LCT: variants seen among roughly 807,000 people sequenced by gnomAD.
The protein encoded by LCT is lactase.
A neutral mutation model predicts 173.0 loss-of-function variants in LCT; 90 were observed. The ratio of observed to expected loss-of-function variants is 0.52; its 90% CI spans 0.44 to 0.62. The LOEUF is 0.62. LCT is among the 20% of genes least tolerant of loss of function. LCT has a pLI of 0.00. For synonymous variants in LCT, 853 were observed against 957.6 expected (o/e 0.89, Z 2.02); for missense variants, 1,864 against 2,431.4 (o/e 0.77, Z 4.91).
Position 135,809,139 on chromosome 2 carries a change from C to T in LCT, c.3208G>A (p.Ala1070Thr). 1 of 1,614,192 alleles carries T rather than the reference C, an allele frequency of 6.2e-7. No homozygotes were observed. The highest frequency in any genetic ancestry group is 8.5e-7 in the Non-Finnish European group (1 of 1,180,036). ...TCCCCTGAGCCATAACCTAGCCATG[C>T]CAGGTACATGGGCTCATTAAAAGTC... is the stretch of plus-strand genomic sequence containing the variant. ...WMTFNEPMYL[A>T]WLGYGSGEFP... Residue 1070 changes from alanine (A) to threonine (T), a missense_variant, in exon 8 of 17, where the codon GCA (alanine) becomes ACA (threonine). Ala to Thr is a moderately conservative substitution (Grantham distance 58). This residue lies in a region of LCT where 755 missense variants were observed against 926.3 expected (regional missense o/e 0.82). Coordinates refer to ENST00000264162, the MANE Select transcript of LCT (RefSeq NM_002299.4). The surrounding 1 kb of genome is among the most constrained non-coding windows in gnomAD (Gnocchi z 5.5).
intron 13 of LCT, among the ~76,000 whole-genome samples, chr2:135,795,278 GCTCACTGCAA>G: frequency 6.6e-6 from 1 of 152,074 alleles, no homozygotes; most frequent in South Asian, 2.1e-4. Context: ...CGCGATCTCA[GCTCACTGCAA>G]CCTCCGCCTC....
Position 135,836,759 on chromosome 2 carries a change from A to G in LCT, c.411T>C (p.Pro137=). 6.2e-7 allele frequency: 1 copy of G among 1,614,160 alleles called. No individual in the cohort carries two copies. ...CTTCGGTTCTCCGGAGGGTGCTGGC[A>G]GGGAGGGTCTGGTGGTGCAGGATGA... ...PMVILHHQTL[P]ASTLRRTEAF... is the part of the protein sequence containing the mutation. The change falls in exon 1 of 17, where the codon CCT becomes CCC. Residue 137 remains proline, a synonymous_variant. Transcript: ENST00000264162.
At chr2:135,834,772 A>T (rs2077970860) in intron 1 of LCT, among the ~76,000 whole-genome samples, 1 of 113,910 alleles carries the variant, frequency 8.8e-6, no homozygotes, top group African/African-American at 3.2e-5. Flanking sequence ...TGGACAAAAG[A>T]GTGAGACTCC....
In LCT at chr2:135,804,833, A is replaced by G; in HGVS notation, c.4398T>C (p.Asn1466=). The G allele has an allele frequency of 1.2e-5, 19 of 1,614,058 alleles. No individual in the cohort carries two copies. Among genetic ancestry groups the G allele is most frequent in the Non-Finnish European group, 1.6e-5 (19 of 1,180,022 alleles). ...ILPDGTTRYI[N]EAGLNYYVRL... ...TCACGTAGTAGTTCAGGCCCGCTTC[A>G]TTGATGTACCTGGTGGTTCCATCAG... The change falls in exon 10 of 17, where the codon AAT becomes AAC. Residue 1466 remains asparagine, a synonymous_variant. Coordinates refer to ENST00000264162, the MANE Select transcript of LCT (RefSeq NM_002299.4).
chr2:135,789,267 G>A (rs2077515837), intron 16 of LCT, among the ~76,000 whole-genome samples: 1 of 152,220 alleles, frequency 6.6e-6, no homozygotes, highest in African/African-American at 2.4e-5. Context: ...CTGCCCTGAA[G>A]CATGTGCCTG....
At chr2:135,794,971 C>T (rs1375249575) in intron 13 of LCT, among the ~76,000 whole-genome samples, 196 bp from the exon 14 acceptor site, 1 of 152,136 alleles carries the variant, frequency 6.6e-6, no homozygotes, top group African/African-American at 2.4e-5. Flanking sequence ...GACCATAAAC[C>T]TGGCTTCCCT....
At chr2:135,826,063 G>T (rs1038882473) in intron 3 of LCT, among the ~76,000 whole-genome samples, 2 of 152,234 alleles carry the variant, frequency 1.3e-5, no homozygotes, top group Non-Finnish European at 2.9e-5. Flanking sequence ...CAGCTCAGGG[G>T]TTGTCAGCTG....
In LCT at chr2:135,817,912, T is replaced by C. The variant is rs772423025; in HGVS notation, c.1136A>G (p.Gln379Arg). 4.3e-6 allele frequency: 7 copies of C among 1,614,070 alleles called. No homozygotes were observed. The South Asian group carries it at 5.5e-5, about 13-fold the overall frequency. Residue 379 changes from glutamine to arginine, a missense_variant, in exon 6 of 17, where the codon CAG becomes CGG. Gln to Arg is a conservative substitution (Grantham distance 43). Coordinates refer to ENST00000264162, the MANE Select transcript of LCT (RefSeq NM_002299.4). Reference sequence around the variant, plus strand: ...GAGGAAGCCTTCAGGGAAAGTATCCTGCAGGAAGGCATCCCTTTCCGCCCT... The same window carrying C: ...GAGGAAGCCTTCAGGGAAAGTATCCCGCAGGAAGGCATCCCTTTCCGCCCT... ...QSRAERDAFLQDTFPEGFLWG... is the reference protein window; with the variant it reads ...QSRAERDAFLRDTFPEGFLWG...
In LCT at chr2:135,829,830, A is replaced by ATTGTGTGTGT. The variant is rs112405940; in HGVS notation, c.721-155_721-154insACACACACAA. 1.8e-4 allele frequency among the ~76,000 whole-genome samples: 26 copies of ATTGTGTGTGT among 146,712 alleles called. No homozygotes were observed. The South Asian group carries it at 5.7e-3, about 32-fold the overall frequency. ...GGAAAAGATGGAGATGGAATGAGAAAGTGTGTGTGTGTGTGTGTGTGTGTG... is the reference window on the plus strand; with the variant it reads ...GGAAAAGATGGAGATGGAATGAGAAATTGTGTGTGTGTGTGTGTGTGTGTGTGTGTGTGTG... On this transcript the variant is annotated intron_variant, in intron 2 of 16. Coordinates refer to ENST00000264162, the MANE Select transcript of LCT (RefSeq NM_002299.4).
rs1444477651 is a variant in LCT at position 135,836,799 on chromosome 2, C to A, written c.371G>T (p.Arg124Leu). ...GTGCAGGATGACCATGGGCTGAAGC[C>A]GTGCAGTCTTGAGGGCCTTGAGGAG... The part of the protein sequence containing the change: ...RRLLKALKTA[R>L]LQPMVILHHQ... The change falls in exon 1 of 17, where the codon CGG becomes CTG. Residue 124 changes from arginine (R) to leucine (L), a missense_variant. This residue lies in a region of LCT where 412 missense variants were observed against 462.0 expected (regional missense o/e 0.89). Coordinates refer to ENST00000264162, the MANE Select transcript of LCT (RefSeq NM_002299.4). The A allele has an allele frequency of 1.2e-6, 2 of 1,614,174 alleles. No homozygotes were observed. Among genetic ancestry groups the A allele is most frequent in the South Asian group, 2.2e-5 (2 of 91,086 alleles).
At chr2:135,832,989 A>C in intron 2 of LCT, 122 bp downstream of exon 2, 1 of 802,862 alleles carries the variant, frequency 1.2e-6, no homozygotes. Flanking sequence ...GAGAACATAC[A>C]CCACTCATTC....
rs763533948 is a variant in LCT at position 135,807,415 on chromosome 2, G to C, written c.3905-19C>G. The C allele has an allele frequency of 1.2e-6, 2 of 1,613,546 alleles. No individual in the cohort carries two copies. The highest frequency in any genetic ancestry group is 3.3e-5 in the Admixed American group (2 of 60,000). On this transcript the variant is annotated intron_variant, in intron 8 of 16. Coordinates refer to ENST00000264162, the MANE Select transcript of LCT (RefSeq NM_002299.4). The stretch of plus-strand genomic sequence containing the variant: ...CTGTAGGCTGGGAACATCCCAAAGG[G>C]AGCAGAGGAGAGCTTGACACCAGGA...
intron 5 of LCT, among the ~76,000 whole-genome samples, chr2:135,818,698 G>GGGCATCGAGCCCA (rs2077802168): frequency 6.6e-6 from 1 of 152,170 alleles, no homozygotes; most frequent in Admixed American, 6.5e-5. Context: ...TTAGCCAGGC[G>GGGCATCGAGCCCA]TGGTGGTGGG....
intron 4 of LCT, among the ~76,000 whole-genome samples, chr2:135,823,249 C>T (rs1365652603): frequency 6.6e-6 from 1 of 152,168 alleles, no homozygotes; most frequent in African/African-American, 2.4e-5. Flanking sequence ...TTCCTCTCTG[C>T]CCCTTCCTCC....
intron 2 of LCT, 71 bp from the exon 3 acceptor site, chr2:135,829,747 G>A (rs970226114): frequency 4.7e-6 from 5 of 1,061,046 alleles, no homozygotes; most frequent in Non-Finnish European, 7.4e-6. Context: ...TCAGAAGTAC[G>A]CTTTTTTGTT....
At position 135,812,578 on chromosome 2, in the gene LCT, G is replaced by A. The variant is rs751065558; in HGVS notation, c.2086C>T (p.Gln696Ter). The A allele has an allele frequency of 6.2e-7, 1 of 1,613,380 alleles. No individual in the cohort carries two copies. Among genetic ancestry groups the A allele is most frequent in the Admixed American group, 1.7e-5 (1 of 59,998 alleles). Reference protein sequence around the residue: ...YTSRLISNAPQNTCIPSYDTI... With the variant: ...YTSRLISNAP ...TCATAGCTAGGGATGCAGGTGTTTTGTGGGGCGTTGCTGATGAGGCGGGAG... is the reference window on the plus strand; with the variant it reads ...TCATAGCTAGGGATGCAGGTGTTTTATGGGGCGTTGCTGATGAGGCGGGAG... Residue 696 changes from glutamine to a stop codon, truncating the protein, a stop_gained, in exon 7 of 17, where the codon CAA (glutamine) becomes TAA (stop). Coordinates refer to ENST00000264162, the MANE Select transcript of LCT (RefSeq NM_002299.4). LOFTEE classifies it high-confidence loss of function.
chr2:135,828,460 G>T (rs1341800964), intron 3 of LCT, among the ~76,000 whole-genome samples: 2 of 152,204 alleles, frequency 1.3e-5, no homozygotes, highest in African/African-American at 4.8e-5. Context: ...AAGCAGCGGG[G>T]AGTGGTTTTG....
At chr2:135,827,391 G>A (rs1170514110) in intron 3 of LCT, among the ~76,000 whole-genome samples, 1 of 152,194 alleles carries the variant, frequency 6.6e-6, no homozygotes, top group Non-Finnish European at 1.5e-5. Flanking sequence ...GAGAGGTTGA[G>A]ATGATGTGAG....
At chr2:135,816,400 T>G (rs563207330) in intron 6 of LCT, among the ~76,000 whole-genome samples, 1 of 152,076 alleles carries the variant, frequency 6.6e-6, no homozygotes, top group South Asian at 2.1e-4. Flanking sequence ...CAGGGACACT[T>G]CTGTTGGGAA....
Sources: gnomAD v4.1 joint callset for allele counts (sites outside exome capture counted in the v4.1 genomes callset) on GRCh38, gnomAD v4.1.1 for gene constraint, gnomAD v4.1.1 regional missense constraint, Gnocchi (gnomAD v3.1) non-coding constraint, MANE v1.5 for transcripts, NCBI Gene and HGNC (gene_info 2026-07-23, HGNC 2026-07-21) for gene names.